The following ERBB4 variants were observed in gnomAD, a reference collection of about 807,000 sequenced individuals.
ERBB4 encodes the protein receptor tyrosine-protein kinase erbB-4.
In ERBB4, 42 loss-of-function variants were observed where a neutral mutation model predicts 158.0. The ratio of observed to expected loss-of-function variants is 0.27; its 90% CI spans 0.21 to 0.34. ERBB4 has a LOEUF of 0.34. Ranked by LOEUF, ERBB4 falls within the 10% of genes least tolerant of loss-of-function variation. The pLI is 1.00. For synonymous variants in ERBB4, 583 were observed against 558.7 expected (o/e 1.04, Z -0.61); for missense variants, 1,333 against 1,624.1 (o/e 0.82, Z 3.08).
chr2:211,435,921 A>G (rs549350614), intron 20 of ERBB4, among the ~76,000 whole-genome samples: 1 of 151,868 alleles, frequency 6.6e-6, no homozygotes, highest in Non-Finnish European at 1.5e-5. Context: ...GTGGACATGG[A>G]GAAATTAATG....
intron 3 of ERBB4, among the ~76,000 whole-genome samples, chr2:211,892,442 GC>G (rs2078992795): frequency 1.7e-5 from 2 of 119,422 alleles, no homozygotes; most frequent in South Asian, 5.2e-4. Flanking sequence ...CAAACCCACA[GC>G]CAATATCATA....
rs759756864 is a variant in ERBB4 at position 211,819,455 on chromosome 2, G to A, written c.422-31296C>T. The stretch of plus-strand genomic sequence containing the variant: ...TAGTAAAAGCTTTAGTCTGAAACTT[G>A]TCTCGAGGACTAGAAAGAGCATTCT... On this transcript the variant is annotated intron_variant, in intron 3 of 27. Transcript: ENST00000342788. Among the ~76,000 whole-genome samples the A allele has an allele frequency of 1.5e-4, 23 of 152,110 alleles. 1 individual carries two copies. The highest frequency in any genetic ancestry group is 1.2e-3 in the South Asian group (6 of 4,828).
At chr2:211,654,285 A>G (rs1235946161) in intron 16 of ERBB4, among the ~76,000 whole-genome samples, 1 of 152,188 alleles carries the variant, frequency 6.6e-6, no homozygotes, top group African/African-American at 2.4e-5. Context: ...CTTTCTCATA[A>G]ACATCCCCTC....
chr2:212,267,954 G>A (rs2085209405), intron 1 of ERBB4, among the ~76,000 whole-genome samples: 1 of 151,876 alleles, frequency 6.6e-6, no homozygotes, highest in African/African-American at 2.4e-5. Context: ...CATATCACAA[G>A]ACAGGGCAAT....
chr2:212,267,082 T>C (rs1479217319), intron 1 of ERBB4, among the ~76,000 whole-genome samples: 1 of 151,864 alleles, frequency 6.6e-6, no homozygotes, highest in Admixed American at 6.6e-5. Context: ...TTTTCTAAAT[T>C]ACAGCTGTGC....
At chr2:211,641,315 T>C (rs911904769) in intron 16 of ERBB4, among the ~76,000 whole-genome samples, 2 of 152,150 alleles carry the variant, frequency 1.3e-5, no homozygotes, top group African/African-American at 2.4e-5. Flanking sequence ...TTTTATGCGG[T>C]TTCACTTATC....
At chr2:212,162,772 T>C (rs1304376858) in intron 1 of ERBB4, among the ~76,000 whole-genome samples, 1 of 151,946 alleles carries the variant, frequency 6.6e-6, no homozygotes, top group Non-Finnish European at 1.5e-5. Context: ...ATGGATATAT[T>C]GTTTCAAGTT....
intron 1 of ERBB4, among the ~76,000 whole-genome samples, chr2:212,488,018 T>C (rs913826338): frequency 6.6e-6 from 1 of 152,148 alleles, no homozygotes; most frequent in Non-Finnish European, 1.5e-5. Context: ...GAAACCTGCA[T>C]TTTGTCAAGT....
Position 211,573,910 on chromosome 2 carries a change from C to CA in ERBB4, c.2302-11823dup, listed in dbSNP as rs1244286680. 3.9e-5 allele frequency among the ~76,000 whole-genome samples: 6 copies of CA among 152,106 alleles called. No homozygotes were observed. In the East Asian group the frequency reaches 1.2e-3, roughly 29 times the overall value. On this transcript the variant is annotated intron_variant, in intron 19 of 27. Coordinates refer to ENST00000342788, the MANE Select transcript of ERBB4 (RefSeq NM_005235.3). Reference sequence around the variant, plus strand: ...ATATTTTAAAAACTGATGTTGCTACCAAATCTTTAGTTTGGATAAGCTATA... The same window carrying CA: ...ATATTTTAAAAACTGATGTTGCTACCAAAATCTTTAGTTTGGATAAGCTATA...
chr2:211,555,734 G>A lies in ERBB4; in HGVS notation c.2487+6169C>T, dbSNP rs139496056. Among the ~76,000 whole-genome samples the A allele has an allele frequency of 2.2e-3, 337 of 152,248 alleles. 2 individuals are homozygous for A. Among genetic ancestry groups the A allele is most frequent in the African/African-American group, 7.6e-3 (316 of 41,552 alleles). On this transcript the variant is annotated intron_variant, in intron 20 of 27. Coordinates refer to ENST00000342788, the MANE Select transcript of ERBB4 (RefSeq NM_005235.3). ...TATCCAGGGAAACTAAGCTTCATAA[G>A]CAAAGGAGAAATAAGATCTTTTTCA...
chr2:212,073,635 T>C (rs2078190621), intron 2 of ERBB4, among the ~76,000 whole-genome samples: 1 of 151,976 alleles, frequency 6.6e-6, no homozygotes, highest in South Asian at 2.1e-4. Context: ...GTCTTCTTGA[T>C]GCAGTGCACA....
At chr2:211,582,908 T>A (rs916595407) in intron 19 of ERBB4, among the ~76,000 whole-genome samples, 6 of 152,170 alleles carry the variant, frequency 3.9e-5, no homozygotes, top group Non-Finnish European at 8.8e-5. Flanking sequence ...CAATTATATG[T>A]TATCTGTAAT....
intron 16 of ERBB4, among the ~76,000 whole-genome samples, chr2:211,634,044 A>G (rs2070258572): frequency 6.6e-6 from 1 of 152,208 alleles, no homozygotes; most frequent in African/African-American, 2.4e-5. Flanking sequence ...CTGTAAATCC[A>G]GCCACTCCAG....
At chr2:211,769,608 G>A (rs2075640702) in intron 4 of ERBB4, among the ~76,000 whole-genome samples, 1 of 152,190 alleles carries the variant, frequency 6.6e-6, no homozygotes, top group African/African-American at 2.4e-5. Flanking sequence ...AAATCAGCCT[G>A]AGTCCCAAAA....
In ERBB4 at chr2:211,930,730, C is replaced by A. The variant is rs538902597; in HGVS notation, c.421+16700G>T. Among the ~76,000 whole-genome samples the A allele has an allele frequency of 6.5e-4, 99 of 152,158 alleles. 2 individuals are homozygous for A. Among genetic ancestry groups the A allele is most frequent in the Non-Finnish European group, 1.1e-3 (72 of 67,990 alleles). The stretch of plus-strand genomic sequence containing the variant: ...TTATTTTTAAAACTCCCAGAAAATA[C>A]CTAATAAATTAGATCTTAGCCAATT... On this transcript the variant is annotated intron_variant, in intron 3 of 27. Transcript: ENST00000342788.
chr2:211,691,304 T>C (rs373012442), intron 12 of ERBB4, among the ~76,000 whole-genome samples: 1 of 152,140 alleles, frequency 6.6e-6, no homozygotes, highest in African/African-American at 2.4e-5. Flanking sequence ...AGATTAGACA[T>C]AAAATTAGTA....
intron 20 of ERBB4, among the ~76,000 whole-genome samples, chr2:211,489,238 A>T (rs188161138): frequency 6.6e-6 from 1 of 152,170 alleles, no homozygotes; most frequent in East Asian, 1.9e-4. Context: ...GAATAAATGG[A>T]TAATAAAAAT....
rs910906405 is a variant in ERBB4, at chr2:212,432,069, A to G, written c.82+106380T>C. Reference sequence around the variant, plus strand: ...ATTAGAGCATGTATTGAAATCAATTAAAAGGCAAATGAAAAACAGGACCTC... The same window carrying G: ...ATTAGAGCATGTATTGAAATCAATTGAAAGGCAAATGAAAAACAGGACCTC... On this transcript the variant is annotated intron_variant, in intron 1 of 27. Transcript: ENST00000342788. Among the ~76,000 whole-genome samples, 26 of 152,204 alleles carry G rather than the reference A, an allele frequency of 1.7e-4. 1 individual carries two copies.
chr2:212,524,796 G>A (rs532908244), intron 1 of ERBB4, among the ~76,000 whole-genome samples: 62 of 152,054 alleles, frequency 4.1e-4, no homozygotes, highest in Admixed American at 7.9e-4. Context: ...AAGTTACTGT[G>A]ACACTATTCA....
Sources: allele counts gnomAD v4.1 joint callset (sites outside exome capture counted in the v4.1 genomes callset), GRCh38; gene constraint gnomAD v4.1.1; transcripts MANE v1.5; gene names NCBI Gene and HGNC (gene_info 2026-07-23, HGNC 2026-07-21).